The following MARCHF1 variants were observed in gnomAD, a reference collection of about 807,000 sequenced individuals.
MARCHF1 encodes membrane associated ring-CH-type finger 1.
A neutral mutation model predicts 54.2 loss-of-function variants in MARCHF1; 40 were observed. The ratio of observed to expected loss-of-function variants is 0.74; its 90% confidence interval spans 0.57 to 0.96. The LOEUF (loss-of-function observed/expected upper bound fraction) is 0.96. MARCHF1 is among the 40% of genes least tolerant of loss of function. The probability of loss-of-function intolerance (pLI) is 0.00; values close to 1 mark genes in which losing one functional copy is unlikely to be tolerated. For synonymous variants in MARCHF1, 236 were observed against 236.3 expected (o/e 1.00, Z 0.01); for missense variants, 586 against 656.5 (o/e 0.89, Z 1.17).
At chr4:163,598,832 T>C (rs1233406056) in intron 7 of MARCHF1, among the ~76,000 whole-genome samples, 1 of 152,218 alleles carries the variant, frequency 6.6e-6, no homozygotes, top group Non-Finnish European at 1.5e-5. Context: ...CTTCTTTCAG[T>C]AATAAGTTCA....
At chr4:163,947,701 T>G (rs1752051255) in intron 3 of MARCHF1, among the ~76,000 whole-genome samples, 1 of 152,194 alleles carries the variant, frequency 6.6e-6, no homozygotes, top group African/African-American at 2.4e-5. Context: ...TAATAAAATG[T>G]GTGGTGTGTT....
At position 163,878,887 on chromosome 4, in the gene MARCHF1, A is replaced by T. The variant is rs188009299; in HGVS notation, c.-38-24718T>A. On this transcript the variant is annotated intron_variant, in intron 3 of 9. Coordinates refer to ENST00000514618, the MANE Select transcript of MARCHF1 (RefSeq NM_001394959.1). ...CTACCTGGAGGCCCCTTCTCCACCC[A>T]TGAAATGTTCAGGACTAGGCCTGGA... 2.3e-3 allele frequency among the ~76,000 whole-genome samples: 353 copies of T among 152,316 alleles called. 2 individuals are homozygous for T. The highest frequency in any genetic ancestry group is 8.3e-3 in the African/African-American group (343 of 41,572).
At chr4:163,896,921 C>T (rs1336081502) in intron 3 of MARCHF1, among the ~76,000 whole-genome samples, 2 of 152,174 alleles carry the variant, frequency 1.3e-5, no homozygotes, top group Admixed American at 1.3e-4. Context: ...ACCACAGTAT[C>T]TATATTAATT....
At chr4:163,596,911 T>A (rs917616330) in intron 7 of MARCHF1, among the ~76,000 whole-genome samples, 3 of 152,148 alleles carry the variant, frequency 2.0e-5, no homozygotes, top group African/African-American at 7.2e-5. Context: ...TCCCAGTGTG[T>A]AGGGAATCCA....
At chr4:163,934,693 C>A (rs1751757308) in intron 3 of MARCHF1, among the ~76,000 whole-genome samples, 1 of 151,328 alleles carries the variant, frequency 6.6e-6, no homozygotes, top group African/African-American at 2.4e-5. Flanking sequence ...AGTTCTCTTG[C>A]CAATTCCACC....
chr4:164,287,498 A>C (rs983111251), intron 1 of MARCHF1, among the ~76,000 whole-genome samples: 1 of 152,198 alleles, frequency 6.6e-6, no homozygotes, highest in African/African-American at 2.4e-5. Flanking sequence ...GGCATTCCTT[A>C]CAATCACTAA....
At chr4:163,629,204 C>A (rs1741980703) in intron 5 of MARCHF1, among the ~76,000 whole-genome samples, 1 of 152,102 alleles carries the variant, frequency 6.6e-6, no homozygotes, top group African/African-American at 2.4e-5. Context: ...GGTACCAAAA[C>A]AGATATATAG....
chr4:164,197,642 G>A (rs116499257), intron 1 of MARCHF1: 5 of 1,612,908 alleles, frequency 3.1e-6, no homozygotes, highest in Non-Finnish European at 4.2e-6. Flanking sequence ...CTGTTGTCCA[G>A]GGCAAGTTCT....
intron 2 of MARCHF1, among the ~76,000 whole-genome samples, chr4:163,994,756 CACA>C (rs1753037336): frequency 7.8e-6 from 1 of 127,810 alleles, no homozygotes; most frequent in African/African-American, 2.9e-5. Context: ...CACACACACA[CACA>C]CACACACACA....
chr4:164,009,406 C>A (rs4426730), intron 2 of MARCHF1, among the ~76,000 whole-genome samples: 148,738 of 152,276 alleles, frequency 0.98, 72,739 homozygotes, highest in East Asian at 1. Flanking sequence ...AACTCTTTTA[C>A]AAATTAAAGA....
chr4:163,568,446 G>A (rs573323658), intron 8 of MARCHF1, among the ~76,000 whole-genome samples: 1 of 152,162 alleles, frequency 6.6e-6, no homozygotes, highest in African/African-American at 2.4e-5. Flanking sequence ...TTTGGATGAG[G>A]AGACACTCTA....
rs767102634 is a variant in MARCHF1 at position 163,854,478 on chromosome 4, T to C, written c.-38-309A>G. 1.6e-3 allele frequency among the ~76,000 whole-genome samples: 249 copies of C among 152,192 alleles called. 3 individuals carry two copies. Among genetic ancestry groups the C allele is most frequent in the Non-Finnish European group, 1.4e-3 (95 of 68,034 alleles). ...AGTGTTATTTTCAGAGATCAGCTTA[T>C]AACAGTAAGTCCTTACTTCAAGAAA... On this transcript the variant is annotated intron_variant, in intron 3 of 9. Transcript: ENST00000514618.
At position 163,893,014 on chromosome 4, in the gene MARCHF1, C is replaced by T. The variant is rs995600013; in HGVS notation, c.-38-38845G>A. On this transcript the variant is annotated intron_variant, in intron 3 of 9. Coordinates refer to ENST00000514618, the MANE Select transcript of MARCHF1 (RefSeq NM_001394959.1). Reference sequence around the variant, plus strand: ...AAAACGACCCTGAACTTAGGCAAAACGGATCTTTTATAAAGCACAATAAGT... The same window carrying T: ...AAAACGACCCTGAACTTAGGCAAAATGGATCTTTTATAAAGCACAATAAGT... Among the ~76,000 whole-genome samples, 18 of 151,148 alleles carry T rather than the reference C, an allele frequency of 1.2e-4. 1 individual carries two copies. The highest frequency in any genetic ancestry group is 2.0e-4 in the Admixed American group (3 of 15,182).
At chr4:164,158,320 G>T (rs1730131463) in intron 1 of MARCHF1, among the ~76,000 whole-genome samples, 1 of 152,094 alleles carries the variant, frequency 6.6e-6, no homozygotes, top group Non-Finnish European at 1.5e-5. Flanking sequence ...TTTTATAAAA[G>T]AAATTTGAAC....
In MARCHF1 at chr4:164,176,941, G is replaced by GCGCTCT. The variant is rs1440878007; in HGVS notation, c.-322-65280_-322-65279insAGAGCG. Among the ~76,000 whole-genome samples, 15 of 58,186 alleles carry GCGCTCT rather than the reference G, an allele frequency of 2.6e-4. No individual in the cohort carries two copies. In the East Asian group the frequency reaches 4.1e-3, roughly 16 times the overall value. The allele number at this position is 58,186 out of a possible 152,430, so 38.2% of individuals were successfully genotyped here. A position where few individuals can be genotyped will look rare whatever the true frequency, so the allele number is the denominator to read the frequency against. ...TGTTATTTATCTGAGTACCTTGTGC[G>GCGCTCT]CTCTCTCTCTCTCTCTCTCTCTCTC... On this transcript the variant is annotated intron_variant, in intron 1 of 9. Transcript: ENST00000514618.
At chr4:164,139,552 C>T (rs1341195261) in intron 1 of MARCHF1, among the ~76,000 whole-genome samples, 1 of 150,876 alleles carries the variant, frequency 6.6e-6, no homozygotes, top group Non-Finnish European at 1.5e-5. Flanking sequence ...AACCTTCTGT[C>T]ACAAAGGGGC....
chr4:163,896,429 A>C (rs1316681625), intron 3 of MARCHF1, among the ~76,000 whole-genome samples: 1 of 152,188 alleles, frequency 6.6e-6, no homozygotes, highest in Non-Finnish European at 1.5e-5. Flanking sequence ...GTGTATGGTC[A>C]AAATAAGGCA....
chr4:164,124,817 G>C (rs1180926906), intron 1 of MARCHF1, among the ~76,000 whole-genome samples: 1 of 152,060 alleles, frequency 6.6e-6, no homozygotes, highest in South Asian at 2.1e-4. Flanking sequence ...GGGACAGTTA[G>C]TGTGCACTTT....
chr4:163,833,443 G>C lies in MARCHF1; in HGVS notation c.111+20578C>G, dbSNP rs531915390. ...GAGTGAACAGGCAACCTACAGAATG[G>C]GAGAAAATTTTTGCAACCTACTCAT... On this transcript the variant is annotated intron_variant, in intron 4 of 9. Transcript: ENST00000514618. Among the ~76,000 whole-genome samples, 391 of 152,036 alleles carry C rather than the reference G, an allele frequency of 2.6e-3. 2 individuals carry two copies. The highest frequency in any genetic ancestry group is 8.8e-3 in the African/African-American group (365 of 41,432).
Sources: gnomAD v4.1 joint callset for allele counts (sites outside exome capture counted in the v4.1 genomes callset) on GRCh38, gnomAD v4.1.1 for gene constraint, MANE v1.5 for transcripts, NCBI Gene and HGNC (gene_info 2026-07-23, HGNC 2026-07-21) for gene names.